RABGAP1L: variants seen among roughly 807,000 people sequenced by gnomAD.
The protein encoded by RABGAP1L is rab GTPase-activating protein 1-like.
Under a neutral mutation model 137.7 loss-of-function variants are expected in RABGAP1L, and 63 were observed. That is an observed-to-expected ratio of 0.46 (90% CI 0.37 to 0.56). The LOEUF (loss-of-function observed/expected upper bound fraction) is 0.56. Among genes scored for constraint, RABGAP1L ranks in the 20% least tolerant of loss-of-function variants. RABGAP1L has a pLI of 0.00. For missense variants in RABGAP1L, 1,095 were observed against 1,244.0 expected (o/e 0.88, Z 1.80); for synonymous variants, 431 against 433.7 (o/e 0.99, Z 0.08).
chr1:174,770,605 A>G (rs1686038842), intron 18 of RABGAP1L, among the ~76,000 whole-genome samples: 1 of 152,206 alleles, frequency 6.6e-6, no homozygotes, highest in South Asian at 2.1e-4. Context: ...GAACAAACAG[A>G]ACAAAAAAAT....
chr1:174,970,600 A>C (rs1197260481), intron 21 of RABGAP1L, among the ~76,000 whole-genome samples: 3 of 152,194 alleles, frequency 2.0e-5, no homozygotes, highest in Non-Finnish European at 4.4e-5. Flanking sequence ...AAATAAAGCA[A>C]TTTATAAACA....
At chr1:174,906,243 T>C (rs796693586) in intron 19 of RABGAP1L, among the ~76,000 whole-genome samples, 1 of 147,648 alleles carries the variant, frequency 6.8e-6, no homozygotes, top group South Asian at 2.4e-4. Flanking sequence ...GGTCTCGAAC[T>C]CCTGACTTCA....
chr1:174,561,707 C>T (rs1667227230), intron 13 of RABGAP1L, among the ~76,000 whole-genome samples: 1 of 152,166 alleles, frequency 6.6e-6, no homozygotes, highest in African/African-American at 2.4e-5. Flanking sequence ...TAACACCACA[C>T]ATCTACAAAC....
chr1:174,431,779 C>T (rs1266402982), intron 13 of RABGAP1L, among the ~76,000 whole-genome samples: 3 of 152,012 alleles, frequency 2.0e-5, no homozygotes, highest in Admixed American at 6.5e-5. Context: ...AGACAGTATT[C>T]GAATTGATGT....
At chr1:174,770,773 C>T (rs1686055191) in intron 18 of RABGAP1L, among the ~76,000 whole-genome samples, 1 of 152,228 alleles carries the variant, frequency 6.6e-6, no homozygotes, top group African/African-American at 2.4e-5. Context: ...CTAACTTCCT[C>T]ACTATGTCCT....
rs892675840 is a variant in RABGAP1L, at chr1:174,761,445, C to T, written c.2211+9091C>T. 1.4e-4 allele frequency among the ~76,000 whole-genome samples: 22 copies of T among 151,850 alleles called. No individual in the cohort carries two copies. The highest frequency in any genetic ancestry group is 1.1e-3 in the Admixed American group (17 of 15,258). On this transcript the variant is annotated intron_variant, in intron 18 of 25. Transcript: ENST00000681986. The surrounding 1 kb of genome is among the most constrained non-coding windows in gnomAD (Gnocchi z 4.0). The stretch of plus-strand genomic sequence containing the variant: ...GCAGAGGCGCTCCTCAGTTTTCAGA[C>T]GGTGCAGCCGCCAGGCAGAGGTGCT...
At chr1:174,234,205 A>G (rs1670945245) in intron 4 of RABGAP1L, among the ~76,000 whole-genome samples, 1 of 95,098 alleles carries the variant, frequency 1.1e-5, no homozygotes, top group Admixed American at 1.1e-4. Context: ...ATTTTCTTCC[A>G]TTTTGTAGGT....
At position 174,990,210 on chromosome 1, in the gene RABGAP1L, C is replaced by T; in HGVS notation, c.*209C>T. 1.8e-6 allele frequency: 1 copy of T among 547,874 alleles called. No individual in the cohort carries two copies. The highest frequency in any genetic ancestry group is 3.5e-5 in the South Asian group (1 of 28,188). 33.9% of individuals were successfully genotyped at this position (547,874 alleles called of 1,614,324 possible). A position where few individuals can be genotyped will look rare whatever the true frequency, so the allele number is the denominator to read the frequency against. On this transcript the variant is annotated 3_prime_UTR_variant, in exon 26 of 26. Transcript: ENST00000681986. ...ATGTTGAATACCTATTTTCCAGCTT[C>T]TGGAAGGCCATGTTCAGATCCATCA...
At chr1:174,923,005 C>G (rs1662074857) in intron 19 of RABGAP1L, among the ~76,000 whole-genome samples, 1 of 152,030 alleles carries the variant, frequency 6.6e-6, no homozygotes, top group South Asian at 2.1e-4. Flanking sequence ...GAGACCTTGT[C>G]TCTACAGAAA....
At chr1:174,316,539 G>T (rs781312575) in intron 11 of RABGAP1L, among the ~76,000 whole-genome samples, 2 of 152,144 alleles carry the variant, frequency 1.3e-5, no homozygotes, top group Non-Finnish European at 1.5e-5. Context: ...GAATTCTCTG[G>T]ATTACCATGC....
intron 13 of RABGAP1L, among the ~76,000 whole-genome samples, chr1:174,520,661 G>C (rs762699563): frequency 6.6e-6 from 1 of 152,056 alleles, no homozygotes; most frequent in Non-Finnish European, 1.5e-5. Flanking sequence ...TTAAAATGGC[G>C]TGTGAATAAT....
At chr1:174,814,859 T>C (rs113034281) in intron 19 of RABGAP1L, among the ~76,000 whole-genome samples, 15 of 152,272 alleles carry the variant, frequency 9.9e-5, no homozygotes, top group African/African-American at 2.9e-4. Flanking sequence ...TGGCTATTTT[T>C]GTATTTTTAG....
chr1:174,894,127 A>G (rs918432314), intron 19 of RABGAP1L, among the ~76,000 whole-genome samples: 2 of 152,210 alleles, frequency 1.3e-5, no homozygotes, highest in Admixed American at 6.5e-5. Context: ...AGGCAGTGTT[A>G]AAACTACACA....
At chr1:174,969,452 GCC>G in intron 21 of RABGAP1L, 65 bp downstream of exon 21, 4 of 1,227,744 alleles carry the variant, frequency 3.3e-6, no homozygotes, top group Non-Finnish European at 4.7e-6. Flanking sequence ...CCTCATCACC[GCC>G]CCCACAAACT....
intron 17 of RABGAP1L, among the ~76,000 whole-genome samples, chr1:174,704,659 C>G (rs1190742174): frequency 6.6e-6 from 1 of 152,154 alleles, no homozygotes; most frequent in Admixed American, 6.5e-5. Flanking sequence ...GTTTTACTTA[C>G]AAATTAGTTT....
intron 19 of RABGAP1L, among the ~76,000 whole-genome samples, chr1:174,861,100 AT>A (rs1322772330): frequency 6.6e-6 from 1 of 152,110 alleles, no homozygotes; most frequent in Admixed American, 6.6e-5. Flanking sequence ...TCTCTATCTT[AT>A]CCCCCGACAA....
chr1:174,596,075 C>A (rs540657950), intron 13 of RABGAP1L, among the ~76,000 whole-genome samples: 2 of 122,520 alleles, frequency 1.6e-5, no homozygotes, highest in Admixed American at 8.1e-5. Context: ...TTTCTTAAGC[C>A]GGTCTGAAAA....
intron 13 of RABGAP1L, among the ~76,000 whole-genome samples, chr1:174,449,391 G>A (rs1655174812): frequency 6.6e-6 from 1 of 152,068 alleles, no homozygotes; most frequent in African/African-American, 2.4e-5. Flanking sequence ...TAGAGGGTTA[G>A]CTCATGAAAT....
chr1:174,387,656 C>G (rs998648573), intron 12 of RABGAP1L, among the ~76,000 whole-genome samples: 3 of 151,712 alleles, frequency 2.0e-5, no homozygotes, highest in Non-Finnish European at 4.4e-5. Context: ...ACTCACTGAC[C>G]CTATGTACAG....
Sources: gnomAD v4.1 joint callset for allele counts (sites outside exome capture counted in the v4.1 genomes callset) on GRCh38, gnomAD v4.1.1 for gene constraint, Gnocchi (gnomAD v3.1) non-coding constraint, MANE v1.5 for transcripts, NCBI Gene and HGNC (gene_info 2026-07-23, HGNC 2026-07-21) for gene names.